Variants in NFILZ observed in about 807,000 individuals in gnomAD.
The protein encoded by NFILZ is NFIL3 like protein.
At chr19:8,660,860 A>C (rs2043027165) in intron 3 of NFILZ, among the ~76,000 whole-genome samples, 1 of 148,358 alleles carries the variant, frequency 6.7e-6, no homozygotes, top group Admixed American at 6.8e-5. Flanking sequence ...GGCTGGTCTT[A>C]AACTCCTGAC....
At chr19:8,648,996 T>G (rs2042953953) in intron 3 of NFILZ, among the ~76,000 whole-genome samples, 1 of 152,208 alleles carries the variant, frequency 6.6e-6, no homozygotes, top group African/African-American at 2.4e-5. Context: ...ATGATCTTGC[T>G]TTGTCACCCA....
intron 3 of NFILZ, among the ~76,000 whole-genome samples, chr19:8,643,223 C>T (rs782625087): frequency 7.9e-5 from 12 of 152,130 alleles, no homozygotes; most frequent in Non-Finnish European, 1.8e-4. Context: ...GTGCTGGGAT[C>T]ACAGGCGTGA....
In NFILZ at chr19:8,680,068, C is replaced by T. The variant is rs1034903250; in HGVS notation, c.*2433C>T. On this transcript the variant is annotated 3_prime_UTR_variant, in exon 6 of 6. Coordinates refer to ENST00000691075, the MANE Select transcript of NFILZ (RefSeq NM_001378600.1). ...AAAATTAGCCGGGCATGGTAGCGAGCGCCTGTAATCTCAGCTACTTGGGAG... is the reference window on the plus strand; with the variant it reads ...AAAATTAGCCGGGCATGGTAGCGAGTGCCTGTAATCTCAGCTACTTGGGAG... Among the ~76,000 whole-genome samples the T allele has an allele frequency of 1.3e-5, 2 of 151,726 alleles. No homozygotes were observed. Among genetic ancestry groups the T allele is most frequent in the Admixed American group, 6.6e-5 (1 of 15,204 alleles).
chr19:8,675,802 G>A (rs1719562680), intron 4 of NFILZ, among the ~76,000 whole-genome samples: 1 of 152,086 alleles, frequency 6.6e-6, no homozygotes, highest in African/African-American at 2.4e-5. Context: ...ATGAATGGAT[G>A]GACCCATGGA....
At chr19:8,665,799 A>G (rs2043059289) in intron 3 of NFILZ, among the ~76,000 whole-genome samples, 1 of 152,240 alleles carries the variant, frequency 6.6e-6, no homozygotes, top group Non-Finnish European at 1.5e-5. Context: ...GTAAATGAAA[A>G]CAAATGAGTA....
intron 3 of NFILZ, among the ~76,000 whole-genome samples, chr19:8,670,444 G>A (rs1434880680): frequency 2.0e-5 from 3 of 151,978 alleles, no homozygotes; most frequent in Admixed American, 6.6e-5. Flanking sequence ...GAATATTTTG[G>A]GAATGAACCA....
In NFILZ at chr19:8,678,100, T is replaced by C. The variant is rs1263397671; in HGVS notation, c.*465T>C. Among the ~76,000 whole-genome samples, 1 of 82,360 alleles carries C rather than the reference T, an allele frequency of 1.2e-5. No homozygotes were observed. Among genetic ancestry groups the C allele is most frequent in the Admixed American group, 1.2e-4 (1 of 8,300 alleles). 54.0% of individuals were successfully genotyped at this position (82,360 alleles called of 152,430 possible). A position where few individuals can be genotyped will look rare whatever the true frequency, so the allele number is the denominator to read the frequency against. On this transcript the variant is annotated 3_prime_UTR_variant, in exon 6 of 6. Transcript: ENST00000691075. ...TCAATCCATCCATCCATTCCATCCA[T>C]CCATCCATCCATCCATCCATCCATC...
intron 3 of NFILZ, among the ~76,000 whole-genome samples, chr19:8,649,369 G>A (rs1463052071): frequency 1.3e-5 from 2 of 152,036 alleles, no homozygotes; most frequent in African/African-American, 4.8e-5. Flanking sequence ...GAGTTCAAGC[G>A]ATTCTTCTAC....
chr19:8,636,121 G>A (rs2042893140), intron 3 of NFILZ, among the ~76,000 whole-genome samples: 2 of 151,930 alleles, frequency 1.3e-5, no homozygotes, highest in South Asian at 2.1e-4. Flanking sequence ...ACAGGCATGA[G>A]CCACCACACC....
intron 3 of NFILZ, among the ~76,000 whole-genome samples, chr19:8,664,498 G>A (rs1053032970): frequency 1.2e-4 from 18 of 151,982 alleles, no homozygotes; most frequent in Non-Finnish European, 5.9e-5. Flanking sequence ...GGGAGGGCGG[G>A]CCACGGCTCC....
chr19:8,665,896 T>C (rs2043059842), intron 3 of NFILZ, among the ~76,000 whole-genome samples: 1 of 152,192 alleles, frequency 6.6e-6, no homozygotes, highest in African/African-American at 2.4e-5. Context: ...TGTTAAGAAA[T>C]CTTACACTCG....
chr19:8,663,450 G>A (rs1271507232), intron 3 of NFILZ, among the ~76,000 whole-genome samples: 2 of 143,714 alleles, frequency 1.4e-5, no homozygotes, highest in Non-Finnish European at 3.0e-5. Flanking sequence ...TGGTGGGGAG[G>A]GGTGGAACTG....
chr19:8,657,674 C>T (rs1346426609), intron 3 of NFILZ, among the ~76,000 whole-genome samples: 1 of 152,152 alleles, frequency 6.6e-6, no homozygotes, highest in African/African-American at 2.4e-5. Flanking sequence ...TCTGTCCCTC[C>T]ACACCGTGCT....
chr19:8,635,910 C>T (rs1346915331), intron 3 of NFILZ, among the ~76,000 whole-genome samples, 164 bp downstream of exon 3: 2 of 152,146 alleles, frequency 1.3e-5, no homozygotes, highest in Non-Finnish European at 2.9e-5. Context: ...AGTCTTGGCT[C>T]ATTGCCACCT....
At chr19:8,656,110 A>C (rs2042990958) in intron 3 of NFILZ, among the ~76,000 whole-genome samples, 1 of 145,318 alleles carries the variant, frequency 6.9e-6, no homozygotes, top group South Asian at 2.2e-4. Context: ...AGGAGGAGGG[A>C]GCACCAGGCT....
At chr19:8,636,476 G>A (rs1217402280) in intron 3 of NFILZ, among the ~76,000 whole-genome samples, 1 of 122,282 alleles carries the variant, frequency 8.2e-6, no homozygotes, top group African/African-American at 3.0e-5. Flanking sequence ...ACAGAGTCTT[G>A]CTCTGTCGCC....
At chr19:8,666,583 T>A (rs914066050) in intron 3 of NFILZ, among the ~76,000 whole-genome samples, 3 of 152,224 alleles carry the variant, frequency 2.0e-5, no homozygotes, top group Non-Finnish European at 4.4e-5. Context: ...AGCTGAGGCT[T>A]AGAGAGGTTA....
At chr19:8,653,074 C>G (rs983128179) in intron 3 of NFILZ, among the ~76,000 whole-genome samples, 5 of 127,676 alleles carry the variant, frequency 3.9e-5, no homozygotes, top group Non-Finnish European at 8.3e-5. Context: ...CTCTCTCTCT[C>G]TCTCTCTCTT....
At chr19:8,660,914 A>G (rs2043027389) in intron 3 of NFILZ, among the ~76,000 whole-genome samples, 1 of 142,816 alleles carries the variant, frequency 7.0e-6, no homozygotes, top group Admixed American at 7.1e-5. Context: ...TGCTGGGATT[A>G]CAGGTGTGAG....
Sources: allele counts gnomAD v4.1 joint callset (sites outside exome capture counted in the v4.1 genomes callset), GRCh38; gene constraint gnomAD v4.1.1; transcripts MANE v1.5; gene names NCBI Gene and HGNC (gene_info 2026-07-23, HGNC 2026-07-21).